Variants in ERN1 observed in about 807,000 individuals in gnomAD.
ERN1 encodes the protein serine/threonine-protein kinase/endoribonuclease IRE1.
A neutral mutation model predicts 113.1 loss-of-function variants in ERN1; 39 were observed. That is an observed-to-expected ratio of 0.34 (90% CI 0.27 to 0.45). The LOEUF is 0.45. ERN1 is among the 20% of genes least tolerant of loss of function. The probability of loss-of-function intolerance (pLI) is 1.00; values close to 1 mark genes in which losing one functional copy is unlikely to be tolerated. For missense variants in ERN1, 976 were observed against 1,274.8 expected (o/e 0.77, Z 3.57); for synonymous variants, 507 against 515.9 (o/e 0.98, Z 0.23).
At chr17:64,089,214 G>A (rs966192725) in intron 2 of ERN1, among the ~76,000 whole-genome samples, 2 of 151,088 alleles carry the variant, frequency 1.3e-5, no homozygotes, top group African/African-American at 2.4e-5. Context: ...AGCTACTCAG[G>A]AGGCTGAGGC....
intron 7 of ERN1, 41 bp downstream of exon 7, chr17:64,068,149 G>T (rs1278528520): frequency 7.0e-7 from 1 of 1,433,370 alleles, no homozygotes; most frequent in Non-Finnish European, 9.7e-7. Flanking sequence ...TAGGTCAAAA[G>T]TACTGGCCCA....
intron 1 of ERN1, among the ~76,000 whole-genome samples, chr17:64,118,597 G>A (rs182001603): frequency 6.6e-6 from 1 of 152,136 alleles, no homozygotes; most frequent in South Asian, 2.1e-4. Flanking sequence ...TTGTCAACTT[G>A]GTTCCAGCAG....
intron 4 of ERN1, among the ~76,000 whole-genome samples, chr17:64,075,725 C>T (rs1016820645): frequency 2.6e-5 from 4 of 152,218 alleles, no homozygotes; most frequent in African/African-American, 7.2e-5. Context: ...AGGGGTGACA[C>T]AAACCTTTTC....
chr17:64,048,726 C>T (rs1411395974), intron 18 of ERN1, among the ~76,000 whole-genome samples: 1 of 152,110 alleles, frequency 6.6e-6, no homozygotes. Flanking sequence ...TTCCCAAATG[C>T]CAGTGCAGGA....
At position 64,119,376 on chromosome 17, in the gene ERN1, G is replaced by GTTGTTTTTTTTTTTTTTTTTT. The variant is rs777806993; in HGVS notation, c.54+10599_54+10600insAAAAAAAAAAAAAAAAAACAA. 1.9e-4 allele frequency among the ~76,000 whole-genome samples: 15 copies of GTTGTTTTTTTTTTTTTTTTTT among 77,906 alleles called. 2 individuals are homozygous for GTTGTTTTTTTTTTTTTTTTTT. Among genetic ancestry groups the GTTGTTTTTTTTTTTTTTTTTT allele is most frequent in the African/African-American group, 7.8e-4 (14 of 17,948 alleles). The allele number at this position is 77,906 out of a possible 152,430, so 51.1% of individuals were successfully genotyped here. The stretch of plus-strand genomic sequence containing the variant: ...TAATATTAGGTTCCTTTTTTTCTAG[G>GTTGTTTTTTTTTTTTTTTTTT]TTTTTTTTTTTTTTTTTTTTTTTTT... On this transcript the variant is annotated intron_variant, in intron 1 of 21. Transcript: ENST00000433197.
chr17:64,068,019 T>C (rs1273659292), intron 7 of ERN1, 171 bp downstream of exon 7: 2 of 572,186 alleles, frequency 3.5e-6, no homozygotes, highest in South Asian at 2.3e-5. Context: ...CCAAGGCCCC[T>C]GCACATTGAC....
chr17:64,074,198 C>A lies in ERN1; in HGVS notation c.355+977G>T, dbSNP rs555920665. 5.5e-4 allele frequency among the ~76,000 whole-genome samples: 83 copies of A among 152,240 alleles called. 1 individual carries two copies. The highest frequency in any genetic ancestry group is 1.9e-3 in the African/African-American group (80 of 41,534). On this transcript the variant is annotated intron_variant, in intron 5 of 21. Coordinates refer to ENST00000433197, the MANE Select transcript of ERN1 (RefSeq NM_001433.5). ...TTACTTTAATGGGTAGATTGGGCAA[C>A]TACCATGCTCTTAAATATGTTTAAT...
At chr17:64,047,448 G>C (rs1170150587) in intron 19 of ERN1, among the ~76,000 whole-genome samples, 1 of 152,180 alleles carries the variant, frequency 6.6e-6, no homozygotes, top group Non-Finnish European at 1.5e-5. Flanking sequence ...AACCTGGGGT[G>C]GGGAGAGGGT....
chr17:64,119,376 G>GTTGTTTTTTGTTTTTTTTT (rs777806993), intron 1 of ERN1, among the ~76,000 whole-genome samples: 5 of 77,894 alleles, frequency 6.4e-5, no homozygotes, highest in African/African-American at 2.8e-4. Context: ...TTTTTTCTAG[G>GTTGTTTTTTGTTTTTTTTT]TTTTTTTTTT....
At chr17:64,088,771 C>G (rs546644142) in intron 2 of ERN1, among the ~76,000 whole-genome samples, 5 of 152,076 alleles carry the variant, frequency 3.3e-5, no homozygotes, top group Non-Finnish European at 7.4e-5. Context: ...AGGTGGGGAC[C>G]GGAATACTCG....
chr17:64,107,952 TTA>T, intron 1 of ERN1, among the ~76,000 whole-genome samples: 1 of 152,350 alleles, frequency 6.6e-6, no homozygotes, highest in Non-Finnish European at 1.5e-5. Context: ...CTATCGGCTG[TTA>T]TGTTTCCTGA....
chr17:64,061,965 C>A (rs1043666822), intron 10 of ERN1, among the ~76,000 whole-genome samples: 1 of 152,252 alleles, frequency 6.6e-6, no homozygotes, highest in Non-Finnish European at 1.5e-5. Flanking sequence ...CTTCTGTCAA[C>A]CTTCTTGTAA....
chr17:64,054,932 AT>A lies in ERN1; in HGVS notation c.1673-105del. On this transcript the variant is annotated intron_variant, in intron 13 of 21. Coordinates refer to ENST00000433197, the MANE Select transcript of ERN1 (RefSeq NM_001433.5). This position sits in a 1 kb window ranked among gnomAD's most constrained non-coding sequence, Gnocchi z 4.9. ...TCCTGACCTCAGATTAAAAGATGGG[AT>A]TTAAGAGGCACTGCACCCCAGACTG... is the stretch of plus-strand genomic sequence containing the variant. 1 of 906,624 alleles carries A rather than the reference AT, an allele frequency of 1.1e-6. No homozygotes were observed. The highest frequency in any genetic ancestry group is 1.7e-6 in the Non-Finnish European group (1 of 592,818). 56.2% of individuals were successfully genotyped at this position (906,624 alleles called of 1,614,324 possible).
intron 1 of ERN1, among the ~76,000 whole-genome samples, chr17:64,128,589 T>C (rs1915144543): frequency 6.6e-6 from 1 of 152,164 alleles, no homozygotes; most frequent in Admixed American, 6.5e-5. Context: ...TATGAAATGA[T>C]CGAATTCATG....
In ERN1 at chr17:64,054,727, A is replaced by G; in HGVS notation, c.1763+11T>C. ...AGGCGGTGAGGGCAGGGGGCTGGCT[A>G]ATCCACTCACCGGTACACAATTGTG... On this transcript the variant is annotated intron_variant, in intron 14 of 21. Coordinates refer to ENST00000433197, the MANE Select transcript of ERN1 (RefSeq NM_001433.5). This position sits in a 1 kb window ranked among gnomAD's most constrained non-coding sequence, Gnocchi z 4.9. The G allele has an allele frequency of 1.3e-6, 2 of 1,595,428 alleles. No homozygotes were observed. The highest frequency in any genetic ancestry group is 1.7e-6 in the Non-Finnish European group (2 of 1,169,540).
intron 2 of ERN1, among the ~76,000 whole-genome samples, chr17:64,081,724 T>C (rs1422334626): frequency 1.3e-5 from 2 of 152,268 alleles, no homozygotes; most frequent in South Asian, 2.1e-4. Context: ...GCATTACTTT[T>C]TAAATTGAGA....
chr17:64,076,709 C>T (rs1454506758), intron 4 of ERN1, among the ~76,000 whole-genome samples: 2 of 152,078 alleles, frequency 1.3e-5, no homozygotes, highest in Admixed American at 6.6e-5. Flanking sequence ...ATGCCATTCT[C>T]CTGCCTCAGC....
At chr17:64,113,526 T>C (rs1315513270) in intron 1 of ERN1, among the ~76,000 whole-genome samples, 1 of 152,090 alleles carries the variant, frequency 6.6e-6, no homozygotes, top group Admixed American at 6.5e-5. Flanking sequence ...TTTTTTTTTT[T>C]TGAGACAGAG....
rs1028871853 is a variant in ERN1, at chr17:64,105,038, C to T, written c.55-6797G>A. Among the ~76,000 whole-genome samples the T allele has an allele frequency of 3.6e-4, 54 of 152,042 alleles. 1 individual carries two copies. Among genetic ancestry groups the T allele is most frequent in the East Asian group, 3.9e-4 (2 of 5,180 alleles). On this transcript the variant is annotated intron_variant, in intron 1 of 21. Transcript: ENST00000433197. ...CACACACACACACACAGAAAACCTA[C>T]GATTGTGAACAAGAGAGTCACACAC...
Sources: allele counts gnomAD v4.1 joint callset (sites outside exome capture counted in the v4.1 genomes callset), GRCh38; gene constraint gnomAD v4.1.1; non-coding constraint Gnocchi (gnomAD v3.1); transcripts MANE v1.5; gene names NCBI Gene and HGNC (gene_info 2026-07-23, HGNC 2026-07-21).